HIF3A: variants seen among roughly 807,000 people sequenced by gnomAD.
HIF3A encodes the protein hypoxia inducible factor 3 subunit alpha, also known as hypoxia-inducible factor 3-alpha.
A neutral mutation model predicts 67.2 loss-of-function variants in HIF3A; 41 were observed. That is an observed-to-expected ratio of 0.61 (90% CI 0.48 to 0.79). The LOEUF is 0.79. Ranked by LOEUF, HIF3A falls within the 30% of genes least tolerant of loss-of-function variation. The probability of loss-of-function intolerance (pLI) is 0.00; values close to 1 mark genes in which losing one functional copy is unlikely to be tolerated. For missense variants in HIF3A, 855 were observed against 898.0 expected (o/e 0.95, Z 0.61); for synonymous variants, 356 against 374.8 (o/e 0.95, Z 0.58).
intron 8 of HIF3A, among the ~76,000 whole-genome samples, chr19:46,315,432 G>A (rs1294279722): frequency 6.9e-6 from 1 of 145,160 alleles, no homozygotes; most frequent in Admixed American, 7.5e-5. Flanking sequence ...TATGAATAGA[G>A]CACAGTTTTT....
Position 46,297,457 on chromosome 19 carries a change from C to T in HIF3A, c.26+355C>T, listed in dbSNP as rs535749537. On this transcript the variant is annotated intron_variant, in intron 1 of 14. Coordinates refer to ENST00000377670, the MANE Select transcript of HIF3A (RefSeq NM_152795.4). This position sits in a 1 kb window ranked among gnomAD's most constrained non-coding sequence, Gnocchi z 4.5. ...CAGGCTTCTGCGGGAGATATTCGCCCTCCACATATTGATCCCTCTGGCCTC... is the reference window on the plus strand; with the variant it reads ...CAGGCTTCTGCGGGAGATATTCGCCTTCCACATATTGATCCCTCTGGCCTC... Among the ~76,000 whole-genome samples the T allele has an allele frequency of 6.6e-6, 1 of 152,204 alleles. No individual in the cohort carries two copies. The highest frequency in any genetic ancestry group is 1.5e-5 in the Non-Finnish European group (1 of 67,988).
In HIF3A at chr19:46,331,230, C is replaced by G. The variant is rs767059234; in HGVS notation, c.1787C>G (p.Pro596Arg). ...GGAGTGAGACCTCCCAAAAGGTCCC[C>G]CAGCCCAGAACACGAAAACTTTCTG... ...LLGVRPPKRS[P>R]SPEHENFLLF... The change falls in exon 13 of 15, where the codon CCC becomes CGC. Residue 596 changes from proline (P) to arginine (R), a missense_variant. Pro to Arg is a moderately radical substitution (Grantham distance 103). Transcript: ENST00000377670. 1 of 1,614,030 alleles carries G rather than the reference C, an allele frequency of 6.2e-7. No individual in the cohort carries two copies. The highest frequency in any genetic ancestry group is 1.1e-5 in the South Asian group (1 of 91,068).
In HIF3A at chr19:46,326,901, C is replaced by T. The variant is rs149449441; in HGVS notation, c.1440+1262C>T. Among the ~76,000 whole-genome samples the T allele has an allele frequency of 8.9e-3, 1,348 of 152,196 alleles. 22 individuals are homozygous for T. The highest frequency in any genetic ancestry group is 0.031 in the African/African-American group (1,270 of 41,528). On this transcript the variant is annotated intron_variant, in intron 11 of 14. Coordinates refer to ENST00000377670, the MANE Select transcript of HIF3A (RefSeq NM_152795.4). ...AGGCGTGGTGGCTCACGCCTGTAAT[C>T]CCAGCTCTTTGGGAGGCCGAGGCAG... is the stretch of plus-strand genomic sequence containing the variant.
intron 4 of HIF3A, 140 bp from the exon 5 acceptor site, chr19:46,308,516 CACATACT>C (rs1969110893): frequency 3.1e-6 from 2 of 636,034 alleles, no homozygotes; most frequent in Non-Finnish European, 5.5e-6. Context: ...TCCAAGGGGA[CACATACT>C]ACCCCTGGGG....
intron 3 of HIF3A, 122 bp from the exon 4 acceptor site, chr19:46,308,099 T>C: frequency 2.6e-6 from 2 of 773,354 alleles, no homozygotes; most frequent in Non-Finnish European, 4.7e-6. Context: ...AATGGATGGA[T>C]AAATGAATGG....
chr19:46,325,359 A>G (rs1970702437), intron 10 of HIF3A, among the ~76,000 whole-genome samples, 176 bp from the exon 11 acceptor site: 1 of 152,108 alleles, frequency 6.6e-6, no homozygotes, highest in Non-Finnish European at 1.5e-5. Context: ...ACACCCAGGC[A>G]TTCTGAGTTT....
Position 46,329,022 on chromosome 19 carries a change from G to A in HIF3A, c.1441-185G>A. ...TACAGGTGTGAGCTACCATGCTTCT[G>A]ACCCAGTTTAGGATTTCTCTAACAT... On this transcript the variant is annotated intron_variant, in intron 11 of 14. Coordinates refer to ENST00000377670, the MANE Select transcript of HIF3A (RefSeq NM_152795.4). The A allele has an allele frequency of 5.9e-6, 3 of 506,504 alleles. 1 individual carries two copies. In the South Asian group the frequency reaches 1.1e-4, roughly 19 times the overall value. 31.4% of individuals were successfully genotyped at this position (506,504 alleles called of 1,614,324 possible).
At chr19:46,337,395 T>C (rs78811340) in intron 14 of HIF3A, among the ~76,000 whole-genome samples, 13,754 of 152,142 alleles carry the variant, frequency 0.09, 879 homozygotes, top group African/African-American at 0.18. Flanking sequence ...GGACTACACT[T>C]GTAGCTGGGA....
At chr19:46,320,991 G>C (rs1005979555) in intron 9 of HIF3A, among the ~76,000 whole-genome samples, 2 of 152,042 alleles carry the variant, frequency 1.3e-5, no homozygotes, top group African/African-American at 4.8e-5. Flanking sequence ...CTGCCATCCT[G>C]GATGAGCCTC....
At position 46,305,734 on chromosome 19, in the gene HIF3A, A is replaced by G. The variant is rs74929505; in HGVS notation, c.363+344A>G. Among the ~76,000 whole-genome samples, 1,316 of 152,288 alleles carry G rather than the reference A, an allele frequency of 8.6e-3. 22 individuals carry two copies. The highest frequency in any genetic ancestry group is 0.03 in the African/African-American group (1,237 of 41,542). ...CAGGAATGTACATGGTAGAGGGAACAGAGGAGGCAAAGGCCAAGAGGTGAG... is the reference window on the plus strand; with the variant it reads ...CAGGAATGTACATGGTAGAGGGAACGGAGGAGGCAAAGGCCAAGAGGTGAG... On this transcript the variant is annotated intron_variant, in intron 3 of 14. Transcript: ENST00000377670.
Position 46,309,208 on chromosome 19 carries a change from G to T in HIF3A, c.619G>T (p.Ala207Ser). The T allele has an allele frequency of 6.2e-7, 1 of 1,614,134 alleles. No individual in the cohort carries two copies. ...AYKPPAQTSPAGSPDSEPPLQ... is the reference protein window; with the variant it reads ...AYKPPAQTSPSGSPDSEPPLQ... ...CAAGCCACCTGCGCAGACTTCTCCA[G>T]CTGGGAGCCCTGACTCAGAGCCCCC... is the stretch of plus-strand genomic sequence containing the variant. The change falls in exon 6 of 15, where the codon GCT becomes TCT. Residue 207 changes from alanine (A) to serine (S), a missense_variant. Ala to Ser is a moderately conservative substitution (Grantham distance 99). Around this residue, in one of 3 missense-constraint regions of HIF3A, gnomAD observed 638 missense variants for 660.5 expected, o/e 0.97. Transcript: ENST00000377670.
At chr19:46,315,466 C>T (rs114899180) in intron 8 of HIF3A, among the ~76,000 whole-genome samples, 1,580 of 148,094 alleles carry the variant, frequency 0.011, 95 homozygotes, top group African/African-American at 0.03. Flanking sequence ...AGTTGGAAGA[C>T]GCTGGGCTGT....
At chr19:46,336,768 C>A (rs1188267968) in intron 14 of HIF3A, among the ~76,000 whole-genome samples, 1 of 152,120 alleles carries the variant, frequency 6.6e-6, no homozygotes, top group African/African-American at 2.4e-5. Context: ...AGGCGGACCA[C>A]CTGAGGTGAG....
chr19:46,328,525 C>T (rs1025134133), intron 11 of HIF3A, among the ~76,000 whole-genome samples: 1 of 152,180 alleles, frequency 6.6e-6, no homozygotes, highest in Non-Finnish European at 1.5e-5. Flanking sequence ...GGAATCTTAG[C>T]TGGATCACCT....
chr19:46,327,429 C>T (rs1398521095), intron 11 of HIF3A, among the ~76,000 whole-genome samples: 8 of 151,794 alleles, frequency 5.3e-5, no homozygotes, highest in East Asian at 1.9e-4. Context: ...GATTCTCTGG[C>T]GTCAGCCTCC....
chr19:46,333,770 CCTTTCTTTT>C (rs1196681093), intron 13 of HIF3A, among the ~76,000 whole-genome samples: 4 of 148,016 alleles, frequency 2.7e-5, no homozygotes, highest in Admixed American at 2.0e-4. Flanking sequence ...CTTTTCCTTT[CCTTTCTTTT>C]CTTTCTTTCT....
At chr19:46,308,980 G>A (rs1405383909) in intron 5 of HIF3A, among the ~76,000 whole-genome samples, 171 bp from the exon 6 acceptor site, 3 of 151,938 alleles carry the variant, frequency 2.0e-5, no homozygotes, top group Non-Finnish European at 4.4e-5. Context: ...GCTCTCTTAG[G>A]ATGGGTTCCT....
chr19:46,316,870 C>A (rs913062182), intron 8 of HIF3A, among the ~76,000 whole-genome samples: 1 of 151,852 alleles, frequency 6.6e-6, no homozygotes, highest in African/African-American at 2.4e-5. Context: ...AGGACATGCA[C>A]CAGTTTTCTA....
At chr19:46,325,506 C>T (rs775693246) in intron 10 of HIF3A, 29 bp from the exon 11 acceptor site, 2 of 1,525,952 alleles carry the variant, frequency 1.3e-6, no homozygotes, top group Non-Finnish European at 1.8e-6. Flanking sequence ...CTCAAGATTT[C>T]CTGAAGTTTC....
Sources: allele counts gnomAD v4.1 joint callset (sites outside exome capture counted in the v4.1 genomes callset), GRCh38; gene constraint gnomAD v4.1.1; regional missense constraint gnomAD v4.1.1; non-coding constraint Gnocchi (gnomAD v3.1); transcripts MANE v1.5; gene names NCBI Gene and HGNC (gene_info 2026-07-23, HGNC 2026-07-21).